Variants in RCHY1 observed in about 807,000 individuals in gnomAD.
RCHY1 encodes RING finger and CHY zinc finger domain-containing protein 1.
In RCHY1, 21 loss-of-function variants were observed where a neutral mutation model predicts 41.6. The observed-to-expected ratio is 0.51, with a 90% CI of 0.36 to 0.73. The LOEUF (loss-of-function observed/expected upper bound fraction) is 0.73, where lower values mean the gene tolerates loss of function less well. Ranked by LOEUF, RCHY1 falls within the 30% of genes least tolerant of loss-of-function variation. The pLI is 0.00. For missense variants in RCHY1, 265 were observed against 325.3 expected (o/e 0.81, Z 1.43); for synonymous variants, 79 against 102.9 (o/e 0.77, Z 1.41).
At position 75,490,633 on chromosome 4, in the gene RCHY1, T is replaced by A; in HGVS notation, c.605A>T (p.Asp202Val). 6.2e-7 allele frequency: 1 copy of A among 1,611,880 alleles called. No homozygotes were observed. The highest frequency in any genetic ancestry group is 1.1e-5 in the South Asian group (1 of 91,004). The change falls in exon 8 of 9, where the codon GAT becomes GTT. Residue 202 changes from aspartate to valine, a missense_variant. By Grantham distance (152) the Asp-to-Val change is radical. Coordinates refer to ENST00000324439, the MANE Select transcript of RCHY1 (RefSeq NM_015436.4). ...TGGCATAGGAGTCTGTGCTACTTCA[T>A]CATCCAGCTGTCTCCAATACCTGGT... ...DMTRYWRQLDDEVAQTPMPSE... is the reference protein window; with the variant it reads ...DMTRYWRQLDVEVAQTPMPSE...
Position 75,514,186 on chromosome 4 carries a change from G to A in RCHY1, c.90+11C>T. On this transcript the variant is annotated intron_variant, in intron 1 of 8. Coordinates refer to ENST00000324439, the MANE Select transcript of RCHY1 (RefSeq NM_015436.4). ...GAAGCTTGTCAGGGAAGAGTCCATA[G>A]AAGGCGTCACCTTTAGGAGACATCC... is the stretch of plus-strand genomic sequence containing the variant. The A allele has an allele frequency of 6.2e-7, 1 of 1,606,338 alleles. No individual in the cohort carries two copies. Among genetic ancestry groups the A allele is most frequent in the African/African-American group, 1.3e-5 (1 of 74,938 alleles).
chr4:75,491,813 TG>T, intron 5 of RCHY1, 31 bp from the exon 6 acceptor site: 1 of 1,608,608 alleles, frequency 6.2e-7, no homozygotes. Context: ...AGTGCTTGTA[TG>T]AAGACAATAT....
At chr4:75,492,377 A>G (rs149398625) in intron 4 of RCHY1, among the ~76,000 whole-genome samples, 357 of 152,142 alleles carry the variant, frequency 2.3e-3, no homozygotes, top group African/African-American at 7.9e-3. Flanking sequence ...CAGTACCTGT[A>G]TAAGATCAAT....
chr4:75,507,993 G>C (rs911078931), intron 3 of RCHY1, among the ~76,000 whole-genome samples: 12 of 151,866 alleles, frequency 7.9e-5, no homozygotes, highest in Admixed American at 7.9e-4. Context: ...GGTTACAAAG[G>C]CATGTTCATT....
chr4:75,494,043 T>G (rs1722969761), intron 4 of RCHY1, 58 bp downstream of exon 4: 2 of 988,366 alleles, frequency 2.0e-6, no homozygotes, highest in African/African-American at 1.7e-5. Context: ...TATTAGAAGT[T>G]AAGCTTATTG....
In RCHY1 at chr4:75,491,945, A is replaced by C; in HGVS notation, c.406-12T>G. ...ACATTTTCAATACACTGTTTAAAAG[A>C]GAAATTCACATTAACAAAAGCTTAA... is the stretch of plus-strand genomic sequence containing the variant. On this transcript the variant is annotated splice_polypyrimidine_tract_variant and intron_variant, in intron 4 of 8. Coordinates refer to ENST00000324439, the MANE Select transcript of RCHY1 (RefSeq NM_015436.4). 6.4e-7 allele frequency: 1 copy of C among 1,574,304 alleles called. No individual in the cohort carries two copies. The highest frequency in any genetic ancestry group is 2.3e-5 in the East Asian group (1 of 44,222).
In RCHY1 at chr4:75,494,199, C is replaced by G; in HGVS notation, c.327-20G>C. 1 of 1,486,034 alleles carries G rather than the reference C, an allele frequency of 6.7e-7. No individual in the cohort carries two copies. Among genetic ancestry groups the G allele is most frequent in the East Asian group, 2.4e-5 (1 of 41,564 alleles). The allele number at this position is 1,486,034 out of a possible 1,614,324, so 92.1% of individuals were successfully genotyped here. ...CCAATCCTAGCAAAACACATGAAAG[C>G]CAAAAGATTAGATTATTTTTTACTA... On this transcript the variant is annotated intron_variant, in intron 3 of 8. Transcript: ENST00000324439.
At chr4:75,492,751 G>A (rs1722865222) in intron 4 of RCHY1, among the ~76,000 whole-genome samples, 1 of 151,872 alleles carries the variant, frequency 6.6e-6, no homozygotes, top group African/African-American at 2.4e-5. Context: ...AAAGATGACA[G>A]TATAGTGGGG....
chr4:75,487,519 TATATTCATA>T (rs1275067842), intron 8 of RCHY1, among the ~76,000 whole-genome samples: 5 of 122,600 alleles, frequency 4.1e-5, no homozygotes, highest in Non-Finnish European at 8.3e-5. Context: ...TCATAATATA[TATATTCATA>T]ATATATTCAT....
intron 8 of RCHY1, among the ~76,000 whole-genome samples, chr4:75,486,533 T>TAAATTTTGA (rs1468076984): frequency 6.6e-6 from 1 of 152,030 alleles, no homozygotes; most frequent in Non-Finnish European, 1.5e-5. Context: ...TAAATACTGA[T>TAAATTTTGA]ACAAAACAGT....
Position 75,514,290 on chromosome 4 carries a change from C to G in RCHY1, c.-4G>C, listed in dbSNP as rs369060868. On this transcript the variant is annotated 5_prime_UTR_variant, in exon 1 of 9. Coordinates refer to ENST00000324439, the MANE Select transcript of RCHY1 (RefSeq NM_015436.4). Reference sequence around the variant, plus strand: ...CTTCCCGGGCCGTCGCCGCCATCTCCTCCACCTCCCCTCACATTCCACCGA... The same window carrying G: ...CTTCCCGGGCCGTCGCCGCCATCTCGTCCACCTCCCCTCACATTCCACCGA... 2 of 1,610,980 alleles carry G rather than the reference C, an allele frequency of 1.2e-6. No individual in the cohort carries two copies. The highest frequency in any genetic ancestry group is 1.7e-6 in the Non-Finnish European group (2 of 1,177,574).
chr4:75,483,439 G>A lies in RCHY1; in HGVS notation c.658-773C>T, dbSNP rs539467040. Among the ~76,000 whole-genome samples, 7 of 152,208 alleles carry A rather than the reference G, an allele frequency of 4.6e-5. No individual in the cohort carries two copies. The South Asian group carries it at 1.5e-3, about 32-fold the overall frequency. ...GTGGATTAGTGGTTGCCTAGGCCTG[G>A]GGCGTTAGGGAATGACTGCTAATGG... On this transcript the variant is annotated intron_variant, in intron 8 of 8. Transcript: ENST00000324439.
intron 3 of RCHY1, among the ~76,000 whole-genome samples, chr4:75,498,444 G>A: frequency 1.5e-5 from 2 of 132,016 alleles, no homozygotes; most frequent in Non-Finnish European, 1.6e-5. Context: ...TTTATATGGA[G>A]CCACAAAAGA....
chr4:75,485,677 G>A (rs1721939719), intron 8 of RCHY1, among the ~76,000 whole-genome samples: 1 of 152,128 alleles, frequency 6.6e-6, no homozygotes, highest in African/African-American at 2.4e-5. Flanking sequence ...CATATTTAGG[G>A]CTGCCTAGCT....
rs2148702703 is a variant in RCHY1, at chr4:75,481,973, CAT to C, written c.*563_*564del. ...ATGATACTGCCCTAATTGAGCCAAA[CAT>C]AGAAAACTTTGGAAAAAACTTTCTA... On this transcript the variant is annotated 3_prime_UTR_variant, in exon 9 of 9. Coordinates refer to ENST00000324439, the MANE Select transcript of RCHY1 (RefSeq NM_015436.4). The C allele has an allele frequency of 6.9e-6, 1 of 145,522 alleles. No individual in the cohort carries two copies. The highest frequency in any genetic ancestry group is 2.0e-4 in the East Asian group (1 of 4,978). 9.0% of individuals were successfully genotyped at this position (145,522 alleles called of 1,614,324 possible). A position where few individuals can be genotyped will look rare whatever the true frequency, so the allele number is the denominator to read the frequency against.
At position 75,486,408 on chromosome 4, in the gene RCHY1, T is replaced by C. The variant is rs1479330236; in HGVS notation, c.658-3742A>G. Among the ~76,000 whole-genome samples, 4 of 152,166 alleles carry C rather than the reference T, an allele frequency of 2.6e-5. No homozygotes were observed. In the East Asian group the frequency reaches 5.8e-4, roughly 22 times the overall value. On this transcript the variant is annotated intron_variant, in intron 8 of 8. Transcript: ENST00000324439. ...AACATTAATTATAAGTTTAAGTTTATATACTTTGGCATCTTATTTTTATAT... is the reference window on the plus strand; with the variant it reads ...AACATTAATTATAAGTTTAAGTTTACATACTTTGGCATCTTATTTTTATAT...
chr4:75,506,297 C>G lies in RCHY1; in HGVS notation c.326+2523G>C, dbSNP rs115515664. 5.8e-3 allele frequency among the ~76,000 whole-genome samples: 867 copies of G among 149,924 alleles called. 9 individuals are homozygous for G. The highest frequency in any genetic ancestry group is 0.02 in the African/African-American group (818 of 40,858). ...TTTACATATTATGTCCAACAATCAA[C>G]TAAAAAAAAAAATCAAGCATGTCAA... On this transcript the variant is annotated intron_variant, in intron 3 of 8. Transcript: ENST00000324439.
Position 75,509,611 on chromosome 4 carries a change from A to G in RCHY1, c.91-315T>C, listed in dbSNP as rs565340499. ...ATGCTTTGGCTGTGTTCCCACCCAAATCTCAACTTGAAATGTATCTCCCAG... is the reference window on the plus strand; with the variant it reads ...ATGCTTTGGCTGTGTTCCCACCCAAGTCTCAACTTGAAATGTATCTCCCAG... On this transcript the variant is annotated intron_variant, in intron 1 of 8. Coordinates refer to ENST00000324439, the MANE Select transcript of RCHY1 (RefSeq NM_015436.4). 2.3e-3 allele frequency: 506 copies of G among 217,162 alleles called. 3 individuals are homozygous for G. Among genetic ancestry groups the G allele is most frequent in the Non-Finnish European group, 3.6e-3 (394 of 107,948 alleles). The allele number at this position is 217,162 out of a possible 1,614,324, so 13.5% of individuals were successfully genotyped here.
chr4:75,491,966 C>T (rs1265230142), intron 4 of RCHY1, 33 bp from the exon 5 acceptor site: 1 of 1,495,498 alleles, frequency 6.7e-7, no homozygotes, highest in Admixed American at 2.3e-5. Flanking sequence ...TTAACAAAAG[C>T]TTAACTAGAT....
Sources: gnomAD v4.1 joint callset for allele counts (sites outside exome capture counted in the v4.1 genomes callset) on GRCh38, gnomAD v4.1.1 for gene constraint, MANE v1.5 for transcripts, NCBI Gene and HGNC (gene_info 2026-07-23, HGNC 2026-07-21) for gene names.